CRISPLD2: variants seen among roughly 807,000 people sequenced by gnomAD.
The protein encoded by CRISPLD2 is cysteine-rich secretory protein LCCL domain-containing 2.
In CRISPLD2, 47 loss-of-function variants were observed where a neutral mutation model predicts 71.1. The observed-to-expected ratio is 0.66, with a 90% CI of 0.52 to 0.84. The LOEUF is 0.84. Ranked by LOEUF, CRISPLD2 falls within the 40% of genes least tolerant of loss-of-function variation. The pLI, the probability that CRISPLD2 is intolerant of heterozygous loss-of-function variation, is 0.00. For missense variants in CRISPLD2, 830 were observed against 651.1 expected (o/e 1.27, Z -2.99); for synonymous variants, 317 against 250.1 (o/e 1.27, Z -2.52).
chr16:84,867,826 C>T (rs1310604783), intron 7 of CRISPLD2, among the ~76,000 whole-genome samples: 3 of 152,190 alleles, frequency 2.0e-5, no homozygotes, highest in Non-Finnish European at 2.9e-5. Context: ...CACCTTTGGC[C>T]TTTTGGCTCC....
chr16:84,848,803 T>G (rs1039592402), intron 3 of CRISPLD2, among the ~76,000 whole-genome samples: 1 of 152,006 alleles, frequency 6.6e-6, no homozygotes, highest in Non-Finnish European at 1.5e-5. Context: ...AAATACGGGC[T>G]TCATGGGCTG....
In CRISPLD2 at chr16:84,877,899, C is replaced by T. The variant is rs1312710506; in HGVS notation, c.1229+389C>T. 8.6e-5 allele frequency among the ~76,000 whole-genome samples: 13 copies of T among 150,894 alleles called. No homozygotes were observed. The East Asian group carries it at 2.0e-3, about 23-fold the overall frequency. On this transcript the variant is annotated intron_variant, in intron 12 of 14. Transcript: ENST00000262424. Reference sequence around the variant, plus strand: ...ATCAGCTTTATTGAGGTAAATGATACGATCCACCCATTAGAAGTAAACGAT... The same window carrying T: ...ATCAGCTTTATTGAGGTAAATGATATGATCCACCCATTAGAAGTAAACGAT...
At chr16:84,846,758 C>T (rs549851483) in intron 3 of CRISPLD2, among the ~76,000 whole-genome samples, 1 of 152,326 alleles carries the variant, frequency 6.6e-6, no homozygotes, top group East Asian at 1.9e-4. Flanking sequence ...CTTCTCCAGA[C>T]CCCCGAGGCT....
intron 6 of CRISPLD2, among the ~76,000 whole-genome samples, chr16:84,859,178 T>A (rs568421442): frequency 6.6e-6 from 1 of 152,240 alleles, no homozygotes; most frequent in African/African-American, 2.4e-5. Flanking sequence ...AAAGTGGGGG[T>A]TCTGCCAGCT....
At chr16:84,888,189 T>C (rs2071629520) in intron 13 of CRISPLD2, among the ~76,000 whole-genome samples, 1 of 152,216 alleles carries the variant, frequency 6.6e-6, no homozygotes, top group South Asian at 2.1e-4. Flanking sequence ...TTTTCCGGCT[T>C]CTAGAGGCCA....
At position 84,867,571 on chromosome 16, in the gene CRISPLD2, A is replaced by G. The variant is rs1209258878; in HGVS notation, c.853+531A>G. Among the ~76,000 whole-genome samples, 5 of 152,184 alleles carry G rather than the reference A, an allele frequency of 3.3e-5. No homozygotes were observed. The East Asian group carries it at 9.7e-4, about 29-fold the overall frequency. ...CATTGAGATCATTGCAGAGTTGCCT[A>G]CAACTCTTTTTTGAGATGGAGTTTC... On this transcript the variant is annotated intron_variant, in intron 7 of 14. Transcript: ENST00000262424.
chr16:84,848,272 G>A (rs531185383), intron 3 of CRISPLD2, among the ~76,000 whole-genome samples: 11 of 152,284 alleles, frequency 7.2e-5, no homozygotes, highest in African/African-American at 1.4e-4. Context: ...GCCGCTGCCC[G>A]CTGCCGTGCG....
At chr16:84,900,586 A>G (rs1322891761) in intron 14 of CRISPLD2, among the ~76,000 whole-genome samples, 3 of 151,684 alleles carry the variant, frequency 2.0e-5, no homozygotes, top group African/African-American at 7.3e-5. Context: ...CCCCGTTGTC[A>G]TTGTCCGGGG....
At chr16:84,825,969 G>A (rs892845297) in intron 1 of CRISPLD2, among the ~76,000 whole-genome samples, 4 of 151,150 alleles carry the variant, frequency 2.6e-5, no homozygotes, top group South Asian at 2.1e-4. Flanking sequence ...AAAAAAAAAA[G>A]TGGGTTCCTG....
intron 1 of CRISPLD2, among the ~76,000 whole-genome samples, chr16:84,833,750 A>T (rs1479469036): frequency 6.6e-6 from 1 of 152,094 alleles, no homozygotes; most frequent in African/African-American, 2.4e-5. Context: ...TGTTGGTGGA[A>T]CGTCACCATG....
intron 1 of CRISPLD2, among the ~76,000 whole-genome samples, chr16:84,825,692 G>T (rs1368576241): frequency 6.6e-6 from 1 of 152,060 alleles, no homozygotes; most frequent in African/African-American, 2.4e-5. Context: ...GGAGGCAGAG[G>T]CTGCAGTGAG....
intron 14 of CRISPLD2, among the ~76,000 whole-genome samples, chr16:84,900,251 G>A (rs1301739712): frequency 6.6e-6 from 1 of 151,974 alleles, no homozygotes; most frequent in Non-Finnish European, 1.5e-5. Flanking sequence ...CATGGAGAAG[G>A]GCTAAAAAAC....
At position 84,907,083 on chromosome 16, in the gene CRISPLD2, G is replaced by A; in HGVS notation, c.*441G>A. 1.0e-5 allele frequency: 2 copies of A among 195,486 alleles called. No individual in the cohort carries two copies. Among genetic ancestry groups the A allele is most frequent in the Non-Finnish European group, 2.1e-5 (2 of 94,454 alleles). The allele number at this position is 195,486 out of a possible 1,614,324, so 12.1% of individuals were successfully genotyped here. The stretch of plus-strand genomic sequence containing the variant: ...AGGCCTTTTGAGCAAGCGCCAATGA[G>A]TTTCAGGAATGAAGTAGAAGGTAGT... On this transcript the variant is annotated 3_prime_UTR_variant, in exon 15 of 15. Coordinates refer to ENST00000262424, the MANE Select transcript of CRISPLD2 (RefSeq NM_031476.4).
intron 1 of CRISPLD2, among the ~76,000 whole-genome samples, chr16:84,822,617 T>C (rs991065904): frequency 3.3e-5 from 5 of 152,218 alleles, no homozygotes; most frequent in East Asian, 3.8e-4. Context: ...AAACCCAGGA[T>C]CACTCAAACG....
intron 5 of CRISPLD2, among the ~76,000 whole-genome samples, chr16:84,854,206 C>G (rs903741851): frequency 6.6e-6 from 1 of 152,230 alleles, no homozygotes; most frequent in Admixed American, 6.5e-5. Flanking sequence ...GTTTCCTCCT[C>G]TGCAAAAATA....
chr16:84,901,037 ACACACACGC>A (rs1368172076), intron 14 of CRISPLD2, among the ~76,000 whole-genome samples: 3 of 146,376 alleles, frequency 2.0e-5, no homozygotes, highest in Non-Finnish European at 4.5e-5. Flanking sequence ...ACACACACAC[ACACACACGC>A]AAAAAAAAAA....
chr16:84,843,859 C>G (rs2143192159), intron 2 of CRISPLD2, among the ~76,000 whole-genome samples: 1 of 152,292 alleles, frequency 6.6e-6, no homozygotes. Context: ...TTAACCTCTC[C>G]AAGACTCAAG....
At chr16:84,845,704 G>C (rs1166723512) in intron 2 of CRISPLD2, 82 bp from the exon 3 acceptor site, 16 of 928,840 alleles carry the variant, frequency 1.7e-5, no homozygotes, top group Non-Finnish European at 1.7e-6. Flanking sequence ...CAGGAGCCCA[G>C]GCTGGGGCGT....
chr16:84,834,418 G>A (rs191395090), intron 1 of CRISPLD2, among the ~76,000 whole-genome samples: 37 of 152,354 alleles, frequency 2.4e-4, no homozygotes, highest in Admixed American at 2.1e-3. Context: ...AGAAGTGAGG[G>A]TAGAATGGGC....
Sources: gnomAD v4.1 joint callset for allele counts (sites outside exome capture counted in the v4.1 genomes callset) on GRCh38, gnomAD v4.1.1 for gene constraint, MANE v1.5 for transcripts, NCBI Gene and HGNC (gene_info 2026-07-23, HGNC 2026-07-21) for gene names.